The following ADGRL2 variants were observed in gnomAD, a reference collection of about 807,000 sequenced individuals.
ADGRL2 encodes adhesion G protein-coupled receptor L2, also known as calcium-independent alpha-latrotoxin receptor 2.
ADGRL2 carries 44 observed loss-of-function variants against 157.4 expected under a neutral mutation model. The ratio of observed to expected loss-of-function variants is 0.28; its 90% CI spans 0.22 to 0.36. The LOEUF (loss-of-function observed/expected upper bound fraction) is 0.36. Ranked by LOEUF, ADGRL2 falls within the 10% of genes least tolerant of loss-of-function variation. The pLI, the probability that ADGRL2 is intolerant of heterozygous loss-of-function variation, is 1.00. For missense variants in ADGRL2, 1,510 were observed against 1,768.9 expected, an observed-to-expected ratio of 0.85 and a Z score of 2.63; for synonymous variants, 585 against 624.7, an observed-to-expected ratio of 0.94 and a Z score of 0.95.
At chr1:81,512,580 A>G (rs1344688439) in intron 2 of ADGRL2, among the ~76,000 whole-genome samples, 1 of 152,208 alleles carries the variant, frequency 6.6e-6, no homozygotes, top group African/African-American at 2.4e-5. Context: ...TTTGCATGTC[A>G]GAAATCTTAT....
intron 1 of ADGRL2, among the ~76,000 whole-genome samples, chr1:81,832,187 G>T (rs2091987460): frequency 6.6e-6 from 1 of 152,086 alleles, no homozygotes; most frequent in South Asian, 2.1e-4. Context: ...TGTCACCCAG[G>T]CTGGAGTGCA....
At chr1:81,755,357 T>C (rs2085651666) in intron 1 of ADGRL2, among the ~76,000 whole-genome samples, 1 of 151,656 alleles carries the variant, frequency 6.6e-6, no homozygotes, top group African/African-American at 2.4e-5. Context: ...TTTGCTACTA[T>C]TGCTAATTAT....
At chr1:81,682,103 ATGTGTG>A (rs57943530) in intron 3 of ADGRL2, among the ~76,000 whole-genome samples, 11 of 147,926 alleles carry the variant, frequency 7.4e-5, no homozygotes, top group Non-Finnish European at 1.3e-4. Flanking sequence ...ATACATATAT[ATGTGTG>A]TGTGTGTGTG....
rs762814313 is a variant in ADGRL2, at chr1:81,950,176, C to A, written c.1211-13C>A. ...GTGTGTTTGAGATTAATATACTCAT[C>A]TTTTTTCCATAGTGCCTACCACAGC... is the stretch of plus-strand genomic sequence containing the variant. On this transcript the variant is annotated splice_polypyrimidine_tract_variant and intron_variant, in intron 6 of 23. Coordinates refer to ENST00000686636, the MANE Select transcript of ADGRL2 (RefSeq NM_001366006.2). The A allele has an allele frequency of 6.2e-7, 1 of 1,611,014 alleles. No homozygotes were observed. The highest frequency in any genetic ancestry group is 8.5e-7 in the Non-Finnish European group (1 of 1,177,938).
intron 1 of ADGRL2, among the ~76,000 whole-genome samples, chr1:81,713,255 G>T (rs1224710438): frequency 6.6e-6 from 1 of 152,062 alleles, no homozygotes; most frequent in African/African-American, 2.4e-5. Context: ...ACTCTGAGAC[G>T]TGCATTTTTA....
At chr1:81,824,943 A>G (rs56260013) in intron 1 of ADGRL2, among the ~76,000 whole-genome samples, 1 of 68,548 alleles carries the variant, frequency 1.5e-5, no homozygotes, top group African/African-American at 6.2e-5. Context: ...TTGCTTTTTA[A>G]TTCTCCTCTC....
At chr1:81,959,882 C>T (rs1340056231) in intron 11 of ADGRL2, among the ~76,000 whole-genome samples, 2 of 151,740 alleles carry the variant, frequency 1.3e-5, no homozygotes, top group Admixed American at 6.6e-5. Flanking sequence ...CTCATTGCAG[C>T]CTCCGCCTCC....
intron 1 of ADGRL2, among the ~76,000 whole-genome samples, chr1:81,748,293 A>G (rs1236504752): frequency 6.6e-6 from 1 of 151,978 alleles, no homozygotes; most frequent in Non-Finnish European, 1.5e-5. Flanking sequence ...CCTGGCCAAC[A>G]TGGGGAAATC....
At chr1:81,553,744 T>C (rs979769030) in intron 2 of ADGRL2, among the ~76,000 whole-genome samples, 14 of 152,340 alleles carry the variant, frequency 9.2e-5, no homozygotes, top group African/African-American at 3.1e-4. Context: ...TTCAAAGTTA[T>C]GCATCATTAA....
chr1:81,306,949 C>G (rs1198946744), intron 1 of ADGRL2, among the ~76,000 whole-genome samples: 1 of 151,946 alleles, frequency 6.6e-6, no homozygotes, highest in Non-Finnish European at 1.5e-5. Context: ...ATGTTTTTAA[C>G]AACAGCAACA....
chr1:81,672,606 A>G (rs2082898773), intron 3 of ADGRL2, among the ~76,000 whole-genome samples: 1 of 152,220 alleles, frequency 6.6e-6, no homozygotes, highest in East Asian at 1.9e-4. Flanking sequence ...ATCACTTTTC[A>G]TTTAACCTAG....
chr1:81,967,407 G>A (rs1379967084), intron 13 of ADGRL2, among the ~76,000 whole-genome samples: 8 of 151,766 alleles, frequency 5.3e-5, no homozygotes, highest in African/African-American at 1.5e-4. Flanking sequence ...GACTACAGGC[G>A]TCCTCCACCA....
intron 3 of ADGRL2, among the ~76,000 whole-genome samples, chr1:81,655,933 C>A (rs746367162): frequency 6.6e-6 from 1 of 152,166 alleles, no homozygotes; most frequent in Non-Finnish European, 1.5e-5. Context: ...TTCAGAGCCC[C>A]AGGGTTCAAA....
intron 2 of ADGRL2, among the ~76,000 whole-genome samples, chr1:81,837,968 A>G (rs2092367114): frequency 6.6e-6 from 1 of 152,014 alleles, no homozygotes. Flanking sequence ...TGAGAAATGC[A>G]TATAAATTAT....
chr1:81,696,924 A>T (rs1432298135), upstream of ADGRL2, among the ~76,000 whole-genome samples: 2 of 152,212 alleles, frequency 1.3e-5, no homozygotes, highest in Non-Finnish European at 2.9e-5. Context: ...CCTGTTGAAA[A>T]ATGGCACTGA....
At chr1:81,579,657 G>A (rs186010560) in intron 2 of ADGRL2, among the ~76,000 whole-genome samples, 49 of 152,144 alleles carry the variant, frequency 3.2e-4, no homozygotes, top group Non-Finnish European at 6.2e-4. Context: ...TCCTTCTGAA[G>A]GGTGTTCAGA....
chr1:81,333,421 T>G (rs951508213), intron 1 of ADGRL2, among the ~76,000 whole-genome samples: 1 of 151,976 alleles, frequency 6.6e-6, no homozygotes, highest in Admixed American at 6.6e-5. Context: ...ATTTATTTAT[T>G]TATTTATTTT....
intron 2 of ADGRL2, among the ~76,000 whole-genome samples, chr1:81,513,554 A>G (rs1375293782): frequency 6.6e-6 from 1 of 152,188 alleles, no homozygotes; most frequent in Non-Finnish European, 1.5e-5. Context: ...CATGTTTATA[A>G]AAGAGGGAAA....
At chr1:81,670,265 A>G (rs2082846539) in intron 3 of ADGRL2, among the ~76,000 whole-genome samples, 1 of 152,196 alleles carries the variant, frequency 6.6e-6, no homozygotes, top group South Asian at 2.1e-4. Flanking sequence ...CTCTTCTCTA[A>G]ATTCTCAATG....
Sources: gnomAD v4.1 joint callset for allele counts (sites outside exome capture counted in the v4.1 genomes callset) on GRCh38, gnomAD v4.1.1 for gene constraint, MANE v1.5 for transcripts, NCBI Gene and HGNC (gene_info 2026-07-23, HGNC 2026-07-21) for gene names.